The following PRKCE variants were observed in gnomAD, a reference collection of about 807,000 sequenced individuals.
PRKCE encodes protein kinase C epsilon type.
A neutral mutation model predicts 85.4 loss-of-function variants in PRKCE; 16 were observed. That is an observed-to-expected ratio of 0.19 (90% confidence interval 0.13 to 0.28). PRKCE has a LOEUF of 0.28. Ranked by LOEUF, PRKCE falls within the 10% of genes least tolerant of loss-of-function variation. PRKCE has a pLI of 1.00. For synonymous variants in PRKCE, 388 were observed against 371.5 expected, an observed-to-expected ratio of 1.04 and a Z score of -0.51; for missense variants, 573 against 975.2, an observed-to-expected ratio of 0.59 and a Z score of 5.49.
rs1334147398 is a variant in PRKCE, at chr2:46,004,446, C to G, written c.967-96C>G. 5 of 1,035,268 alleles carry G rather than the reference C, an allele frequency of 4.8e-6. No homozygotes were observed. In the Admixed American group the frequency reaches 6.1e-5, roughly 13 times the overall value. 64.1% of individuals were successfully genotyped at this position (1,035,268 alleles called of 1,614,324 possible). On this transcript the variant is annotated intron_variant, in intron 7 of 14. Coordinates refer to ENST00000306156, the MANE Select transcript of PRKCE (RefSeq NM_005400.3). The surrounding 1 kb of genome is among the most constrained non-coding windows in gnomAD (Gnocchi z 4.1). ...CTGAATTCCTGCTGCTCTGGGAACT[C>G]TCATGGCTCTTATACGGCATCTTGA...
intron 13 of PRKCE, among the ~76,000 whole-genome samples, chr2:46,152,249 T>C (rs61759990): frequency 0.066 from 9,984 of 152,106 alleles, 407 homozygotes; most frequent in Non-Finnish European, 0.09. Flanking sequence ...TGGTGCTATC[T>C]TGGCTCACTG....
chr2:46,128,997 A>C (rs748135532), intron 11 of PRKCE, among the ~76,000 whole-genome samples: 16 of 152,142 alleles, frequency 1.1e-4, no homozygotes, highest in Non-Finnish European at 2.2e-4. Flanking sequence ...CACCTAGCCT[A>C]GACACTGGGT....
At chr2:46,023,818 G>T (rs1389096710) in intron 10 of PRKCE, among the ~76,000 whole-genome samples, 1 of 152,146 alleles carries the variant, frequency 6.6e-6, no homozygotes, top group African/African-American at 2.4e-5. Context: ...GGAGAGAGGG[G>T]CCATCTGGGT....
intron 1 of PRKCE, among the ~76,000 whole-genome samples, chr2:45,762,454 C>G (rs1173726722): frequency 6.6e-6 from 1 of 152,234 alleles, no homozygotes; most frequent in East Asian, 1.9e-4. Context: ...GCCTCAAACT[C>G]ACATCCTCAG....
At chr2:45,865,374 C>A (rs1399586715) in intron 2 of PRKCE, among the ~76,000 whole-genome samples, 1 of 152,148 alleles carries the variant, frequency 6.6e-6, no homozygotes, top group African/African-American at 2.4e-5. Context: ...AGGGCTTGGA[C>A]ATAGGTATAG....
At chr2:45,661,128 A>T (rs1401199720) in intron 1 of PRKCE, among the ~76,000 whole-genome samples, 1 of 152,230 alleles carries the variant, frequency 6.6e-6, no homozygotes, top group East Asian at 1.9e-4. Flanking sequence ...GAGTAGACTC[A>T]CTGAGCTCCT....
intron 2 of PRKCE, among the ~76,000 whole-genome samples, chr2:45,872,379 C>T (rs1027343361): frequency 3.5e-4 from 53 of 152,190 alleles, no homozygotes; most frequent in African/African-American, 1.1e-3. Flanking sequence ...AGAGAGCCAG[C>T]TCATGCAGGG....
At chr2:46,074,564 A>AT (rs1479231445) in intron 10 of PRKCE, among the ~76,000 whole-genome samples, 1 of 152,192 alleles carries the variant, frequency 6.6e-6, no homozygotes, top group African/African-American at 2.4e-5. Context: ...TTACTGCAGT[A>AT]TTCAGTACTT....
intron 14 of PRKCE, among the ~76,000 whole-genome samples, chr2:46,179,916 C>G (rs992899122): frequency 2.4e-4 from 36 of 152,180 alleles, no homozygotes; most frequent in Admixed American, 1.8e-3. Context: ...ACCCTGAACC[C>G]AGATCACGTT....
intron 11 of PRKCE, among the ~76,000 whole-genome samples, chr2:46,118,900 C>T (rs1314147673): frequency 1.3e-5 from 2 of 152,186 alleles, no homozygotes; most frequent in Non-Finnish European, 2.9e-5. Context: ...CTCATTCGAA[C>T]AACCTGACTG....
At chr2:45,819,089 G>C (rs777890394) in intron 1 of PRKCE, among the ~76,000 whole-genome samples, 1 of 152,150 alleles carries the variant, frequency 6.6e-6, no homozygotes, top group Non-Finnish European at 1.5e-5. Context: ...GAGAGGAGTA[G>C]GTATATTAAT....
Position 46,010,526 on chromosome 2 carries a change from G to A in PRKCE, c.1437+9G>A. On this transcript the variant is annotated intron_variant, in intron 10 of 14. Coordinates refer to ENST00000306156, the MANE Select transcript of PRKCE (RefSeq NM_005400.3). The stretch of plus-strand genomic sequence containing the variant: ...GCTGCTTCCAGACCAAGGTATGTTA[G>A]GAAGAAGCTGGCTGGCTGCCATGTT... 1 of 1,598,736 alleles carries A rather than the reference G, an allele frequency of 6.3e-7. No individual in the cohort carries two copies. Among genetic ancestry groups the A allele is most frequent in the Non-Finnish European group, 8.5e-7 (1 of 1,179,166 alleles).
rs1431849115 is a variant in PRKCE at position 46,184,724 on chromosome 2, T to C, written c.2068-11T>C. On this transcript the variant is annotated splice_polypyrimidine_tract_variant and intron_variant, in intron 14 of 14. Transcript: ENST00000306156. This position sits in a 1 kb window ranked among gnomAD's most constrained non-coding sequence, Gnocchi z 5.0. Reference sequence around the variant, plus strand: ...AGCCTCAACTCACCACTTTCTCTTTTCTTCCCACAGAAAACCAAAAGAGAC... The same window carrying C: ...AGCCTCAACTCACCACTTTCTCTTTCCTTCCCACAGAAAACCAAAAGAGAC... 1 of 1,599,318 alleles carries C rather than the reference T, an allele frequency of 6.3e-7. No individual in the cohort carries two copies.
intron 1 of PRKCE, among the ~76,000 whole-genome samples, chr2:45,696,606 G>A (rs1053382175): frequency 3.9e-5 from 6 of 152,272 alleles, no homozygotes; most frequent in East Asian, 1.9e-4. Context: ...CACTGGGTTC[G>A]AAACAGGCTT....
At chr2:45,782,492 A>C (rs1379177031) in intron 1 of PRKCE, among the ~76,000 whole-genome samples, 1 of 152,128 alleles carries the variant, frequency 6.6e-6, no homozygotes, top group Non-Finnish European at 1.5e-5. Context: ...CCAGCCGGTG[A>C]CATATCCCAC....
chr2:46,124,363 G>A (rs1040407162), intron 11 of PRKCE, among the ~76,000 whole-genome samples: 12 of 152,120 alleles, frequency 7.9e-5, no homozygotes, highest in Non-Finnish European at 1.8e-4. Context: ...TTGAGTAGCT[G>A]ACACTATTCC....
rs188874662 is a variant in PRKCE, at chr2:45,864,858, A to G, written c.412+21795A>G. On this transcript the variant is annotated intron_variant, in intron 2 of 14. Transcript: ENST00000306156. ...AATATGGAGCTGTGTTTCAGGCTTC[A>G]GAGCAGGGGGCCTCGAACTTGAGAA... 3.9e-4 allele frequency among the ~76,000 whole-genome samples: 60 copies of G among 152,312 alleles called. No homozygotes were observed. The East Asian group carries it at 9.3e-3, about 23-fold the overall frequency.
Position 45,847,503 on chromosome 2 carries a change from G to A in PRKCE, c.412+4440G>A, listed in dbSNP as rs553857153. Among the ~76,000 whole-genome samples the A allele has an allele frequency of 2.4e-4, 37 of 152,270 alleles. No homozygotes were observed. In the South Asian group the frequency reaches 2.5e-3, roughly 10 times the overall value. The stretch of plus-strand genomic sequence containing the variant: ...AGGCAGACGTGATCAAACCAGCTTC[G>A]CTTGGTTCTGAAATAATAACATGTG... On this transcript the variant is annotated intron_variant, in intron 2 of 14. Transcript: ENST00000306156.
intron 2 of PRKCE, among the ~76,000 whole-genome samples, chr2:45,874,215 T>C (rs962263982): frequency 4.6e-5 from 7 of 152,230 alleles, no homozygotes; most frequent in African/African-American, 1.7e-4. Flanking sequence ...GAGGCCTATG[T>C]GGGAGTCCCT....
Sources: gnomAD v4.1 joint callset for allele counts (sites outside exome capture counted in the v4.1 genomes callset) on GRCh38, gnomAD v4.1.1 for gene constraint, Gnocchi (gnomAD v3.1) non-coding constraint, MANE v1.5 for transcripts, NCBI Gene and HGNC (gene_info 2026-07-23, HGNC 2026-07-21) for gene names.